The following TENM3 variants were observed in gnomAD, a reference collection of about 807,000 sequenced individuals.
TENM3 encodes the protein teneurin-3.
A neutral mutation model predicts 255.1 loss-of-function variants in TENM3; 63 were observed. That is an observed-to-expected ratio of 0.25 (90% confidence interval 0.20 to 0.30). The LOEUF is 0.30. Ranked by LOEUF, TENM3 falls within the 10% of genes least tolerant of loss-of-function variation. The probability of loss-of-function intolerance (pLI) is 1.00; values close to 1 mark genes in which losing one functional copy is unlikely to be tolerated. For synonymous variants in TENM3, 1,306 were observed against 1,322.3 expected, an observed-to-expected ratio of 0.99 and a Z score of 0.27; for missense variants, 2,929 against 3,461.1, an observed-to-expected ratio of 0.85 and a Z score of 3.86.
At chr4:181,460,379 T>G in the TENM3 span, among the ~76,000 whole-genome samples, 1 of 152,096 alleles carries the variant, frequency 6.6e-6, no homozygotes, top group African/African-American at 2.4e-5. Flanking sequence ...CTTTCACCAT[T>G]AACATGACTT....
intron 4 of TENM3, among the ~76,000 whole-genome samples, chr4:182,622,496 T>C: frequency 6.6e-6 from 1 of 152,330 alleles, no homozygotes; most frequent in South Asian, 2.1e-4. Flanking sequence ...GTCTCTCACG[T>C]AGTAGATATT....
At chr4:181,777,347 G>A in the TENM3 span, among the ~76,000 whole-genome samples, 1 of 152,070 alleles carries the variant, frequency 6.6e-6, no homozygotes, top group Non-Finnish European at 1.5e-5. Context: ...ATAGCGTGAT[G>A]CCTCCAGCTT....
At chr4:181,483,867 T>A in the TENM3 span, among the ~76,000 whole-genome samples, 1 of 152,176 alleles carries the variant, frequency 6.6e-6, no homozygotes, top group African/African-American at 2.4e-5. Flanking sequence ...AACAGATGAT[T>A]GGTAGTAAAC....
At chr4:181,973,183 T>G in the TENM3 span, among the ~76,000 whole-genome samples, 6 of 152,218 alleles carry the variant, frequency 3.9e-5, no homozygotes, top group African/African-American at 1.4e-4. Flanking sequence ...TTATAACATA[T>G]GCAGTAAAAT....
At chr4:181,616,185 A>T in the TENM3 span, among the ~76,000 whole-genome samples, 4 of 151,436 alleles carry the variant, frequency 2.6e-5, no homozygotes, top group Admixed American at 2.6e-4. Context: ...AAATGAATAC[A>T]TACACAGGCT....
the TENM3 span, among the ~76,000 whole-genome samples, chr4:181,873,578 C>T: frequency 6.6e-6 from 1 of 152,140 alleles, no homozygotes; most frequent in Non-Finnish European, 1.5e-5. Flanking sequence ...ATTCTGATCT[C>T]TAATTGAATT....
At chr4:181,878,004 C>A in the TENM3 span, among the ~76,000 whole-genome samples, 2 of 152,074 alleles carry the variant, frequency 1.3e-5, no homozygotes, top group Non-Finnish European at 2.9e-5. Flanking sequence ...ATGCACATTG[C>A]GGTGTTACTA....
At chr4:182,522,317 C>A (rs1391377185) in intron 3 of TENM3, among the ~76,000 whole-genome samples, 2 of 152,128 alleles carry the variant, frequency 1.3e-5, no homozygotes, top group Non-Finnish European at 2.9e-5. Flanking sequence ...GTCCATCAAC[C>A]AAATTATCTT....
At chr4:181,694,844 AGAC>A in the TENM3 span, among the ~76,000 whole-genome samples, 1 of 152,226 alleles carries the variant, frequency 6.6e-6, no homozygotes, top group Non-Finnish European at 1.5e-5. Flanking sequence ...TTGTGATTTA[AGAC>A]TCTGCTATCC....
the TENM3 span, among the ~76,000 whole-genome samples, chr4:181,635,814 A>G: frequency 6.6e-6 from 1 of 152,116 alleles, no homozygotes; most frequent in Non-Finnish European, 1.5e-5. Flanking sequence ...GTAATAGCAT[A>G]GGCTTCTGGA....
At chr4:182,415,858 T>C (rs1770322151) in intron 3 of TENM3, among the ~76,000 whole-genome samples, 2 of 152,172 alleles carry the variant, frequency 1.3e-5, no homozygotes, top group African/African-American at 4.8e-5. Flanking sequence ...GTTTACACCA[T>C]ATAGAGTGCA....
chr4:182,631,764 A>G (rs1174390167), intron 5 of TENM3: 1 of 152,164 alleles, frequency 6.6e-6, no homozygotes, highest in Non-Finnish European at 1.5e-5. Flanking sequence ...TTGACCGTTA[A>G]TATACAGTAA....
chr4:181,802,117 C>T, the TENM3 span, among the ~76,000 whole-genome samples: 1 of 152,156 alleles, frequency 6.6e-6, no homozygotes, highest in East Asian at 1.9e-4. Context: ...GGCACAAATA[C>T]TTTTCATTGA....
intron 1 of TENM3, among the ~76,000 whole-genome samples, chr4:182,178,682 G>A (rs1243398705): frequency 6.6e-6 from 1 of 151,292 alleles, no homozygotes; most frequent in Non-Finnish European, 1.5e-5. Flanking sequence ...TTACATAATT[G>A]TTTCTTAAAA....
chr4:181,709,324 T>C, the TENM3 span, among the ~76,000 whole-genome samples: 1 of 152,210 alleles, frequency 6.6e-6, no homozygotes, highest in Non-Finnish European at 1.5e-5. Flanking sequence ...AGATACATTG[T>C]TGACTTCAAG....
chr4:181,753,416 G>A, the TENM3 span, among the ~76,000 whole-genome samples: 8 of 152,228 alleles, frequency 5.3e-5, no homozygotes, highest in East Asian at 7.7e-4. Flanking sequence ...GCAGCAGGCT[G>A]TACAGATGGA....
At chr4:181,631,060 G>A in the TENM3 span, among the ~76,000 whole-genome samples, 21 of 152,170 alleles carry the variant, frequency 1.4e-4, no homozygotes, top group Admixed American at 1.0e-3. Context: ...TTAGCCAGCT[G>A]TGTCCTCATC....
chr4:182,450,327 C>A (rs1773346079), intron 3 of TENM3, among the ~76,000 whole-genome samples: 1 of 152,180 alleles, frequency 6.6e-6, no homozygotes, highest in Non-Finnish European at 1.5e-5. Context: ...AATCAGCTAA[C>A]TTAACTAAGC....
At chr4:181,700,682 T>A in the TENM3 span, among the ~76,000 whole-genome samples, 1 of 152,326 alleles carries the variant, frequency 6.6e-6, no homozygotes, top group African/African-American at 2.4e-5. Flanking sequence ...GAGCCATCTT[T>A]GGTCACACAA....
Sources: allele counts gnomAD v4.1 joint callset (sites outside exome capture counted in the v4.1 genomes callset), GRCh38; gene constraint gnomAD v4.1.1; transcripts MANE v1.5; gene names NCBI Gene and HGNC (gene_info 2026-07-23, HGNC 2026-07-21).